The following FRMD4A variants were observed in gnomAD, a reference collection of about 807,000 sequenced individuals.
FRMD4A encodes FERM domain-containing protein 4A.
In FRMD4A, 29 loss-of-function variants were observed where a neutral mutation model predicts 129.1. The observed-to-expected ratio is 0.22, with a 90% confidence interval of 0.17 to 0.31. FRMD4A has a LOEUF of 0.31. Among genes scored for constraint, FRMD4A ranks in the 10% least tolerant of loss-of-function variants. The pLI is 1.00. For missense variants in FRMD4A, 1,272 were observed against 1,375.8 expected, an observed-to-expected ratio of 0.92 and a Z score of 1.19; for synonymous variants, 634 against 571.6, an observed-to-expected ratio of 1.11 and a Z score of -1.56.
Position 14,094,390 on chromosome 10 carries a change from T to C in FRMD4A, c.46-235478A>G, listed in dbSNP as rs530550459. Among the ~76,000 whole-genome samples, 5 of 152,174 alleles carry C rather than the reference T, an allele frequency of 3.3e-5. No homozygotes were observed. In the South Asian group the frequency reaches 1.0e-3, roughly 32 times the overall value. On this transcript the variant is annotated intron_variant, in intron 2 of 24. Coordinates refer to ENST00000357447, the MANE Select transcript of FRMD4A (RefSeq NM_018027.5). ...GGGACGATCACAGAACTGAAGCAAGTGGTAATTAGAATGGAAATGTAATGA... is the reference window on the plus strand; with the variant it reads ...GGGACGATCACAGAACTGAAGCAAGCGGTAATTAGAATGGAAATGTAATGA...
chr10:14,193,687 T>TAAA (rs11431301), intron 2 of FRMD4A, among the ~76,000 whole-genome samples: 1 of 143,398 alleles, frequency 7.0e-6, no homozygotes. Flanking sequence ...GTCTACAAAT[T>TAAA]AAAAAAAAAA....
At chr10:14,066,350 G>C (rs1394657908) in intron 2 of FRMD4A, among the ~76,000 whole-genome samples, 1 of 152,132 alleles carries the variant, frequency 6.6e-6, no homozygotes, top group African/African-American at 2.4e-5. Context: ...CACAGGGAAG[G>C]GGTGGGTATG....
chr10:13,740,142 A>T (rs2090901809), intron 11 of FRMD4A, 52 bp downstream of exon 11: 2 of 973,292 alleles, frequency 2.1e-6, no homozygotes, highest in Admixed American at 1.9e-5. Flanking sequence ...AGATGTTTTG[A>T]TTTGTTTGCT....
chr10:13,933,266 C>T (rs1254660282), intron 2 of FRMD4A, among the ~76,000 whole-genome samples: 1 of 146,602 alleles, frequency 6.8e-6, no homozygotes, highest in African/African-American at 2.5e-5. Context: ...ATAGGGTGTA[C>T]ACCGAGTAAA....
At chr10:13,859,965 A>G (rs2094271012) in intron 2 of FRMD4A, among the ~76,000 whole-genome samples, 1 of 152,134 alleles carries the variant, frequency 6.6e-6, no homozygotes, top group Non-Finnish European at 1.5e-5. Context: ...CCTGTCTCAT[A>G]TCCAAAAATA....
chr10:13,827,923 G>T (rs980900325), intron 3 of FRMD4A, among the ~76,000 whole-genome samples: 1 of 152,160 alleles, frequency 6.6e-6, no homozygotes, highest in Non-Finnish European at 1.5e-5. Context: ...AGCCCCTTGG[G>T]CTCGAAGCCC....
At chr10:14,261,185 G>C (rs1291252666) in intron 2 of FRMD4A, among the ~76,000 whole-genome samples, 2 of 152,228 alleles carry the variant, frequency 1.3e-5, no homozygotes, top group Non-Finnish European at 2.9e-5. Context: ...CAGCCTTGGA[G>C]AGAGTGGCTG....
At position 14,111,612 on chromosome 10, in the gene FRMD4A, A is replaced by G. The variant is rs141206851; in HGVS notation, c.45+218446T>C. On this transcript the variant is annotated intron_variant, in intron 2 of 24. Coordinates refer to ENST00000357447, the MANE Select transcript of FRMD4A (RefSeq NM_018027.5). ...TAATCCATCAATTCACTGTGGATTA[A>G]TTCATCCACAATGAATTCATACATA... Among the ~76,000 whole-genome samples the G allele has an allele frequency of 5.3e-3, 806 of 152,296 alleles. 10 individuals carry two copies. The highest frequency in any genetic ancestry group is 0.019 in the African/African-American group (781 of 41,544).
chr10:13,862,001 C>T (rs994283691), intron 2 of FRMD4A, among the ~76,000 whole-genome samples: 6 of 152,118 alleles, frequency 3.9e-5, no homozygotes, highest in Admixed American at 2.6e-4. Flanking sequence ...TTTCGAGCTA[C>T]GCTGATTCAG....
At chr10:13,977,641 T>C (rs1205295477) in intron 2 of FRMD4A, among the ~76,000 whole-genome samples, 1 of 152,224 alleles carries the variant, frequency 6.6e-6, no homozygotes, top group East Asian at 1.9e-4. Flanking sequence ...ACCACACCCA[T>C]TAGCTGTCAT....
chr10:13,773,920 C>T lies in FRMD4A; in HGVS notation c.384+9002G>A, dbSNP rs948619576. ...AGAGGAGCAGATGGAAAAGGCTTGG[C>T]GGGAAAGCTGTGCCGTCTTATTGGT... is the stretch of plus-strand genomic sequence containing the variant. On this transcript the variant is annotated intron_variant, in intron 6 of 24. Coordinates refer to ENST00000357447, the MANE Select transcript of FRMD4A (RefSeq NM_018027.5). 4.6e-5 allele frequency among the ~76,000 whole-genome samples: 7 copies of T among 152,182 alleles called. No homozygotes were observed. The East Asian group carries it at 9.6e-4, about 21-fold the overall frequency.
At chr10:13,680,934 G>A (rs2084522493) in intron 15 of FRMD4A, among the ~76,000 whole-genome samples, 2 of 152,046 alleles carry the variant, frequency 1.3e-5, no homozygotes, top group African/African-American at 4.8e-5. Context: ...GGTGGTGACT[G>A]GAGGGAAAGA....
intron 2 of FRMD4A, among the ~76,000 whole-genome samples, chr10:14,043,608 T>A (rs1396377617): frequency 1.3e-5 from 2 of 152,160 alleles, no homozygotes; most frequent in Non-Finnish European, 2.9e-5. Flanking sequence ...GGCTGGATGA[T>A]TTCTCACTCC....
rs1463168895 is a variant in FRMD4A at position 14,309,123 on chromosome 10, T to C, written c.45+20935A>G. 3.3e-5 allele frequency among the ~76,000 whole-genome samples: 5 copies of C among 152,328 alleles called. No individual in the cohort carries two copies. The East Asian group carries it at 9.6e-4, about 29-fold the overall frequency. On this transcript the variant is annotated intron_variant, in intron 2 of 24. Transcript: ENST00000357447. ...TTAGGGGACAGAGAATTTCTCAACA[T>C]GCAATCACTTTCAACAACATCGCCT...
At chr10:14,071,535 A>G (rs1020283178) in intron 2 of FRMD4A, among the ~76,000 whole-genome samples, 1 of 152,262 alleles carries the variant, frequency 6.6e-6, no homozygotes, top group African/African-American at 2.4e-5. Context: ...AACATTTTAT[A>G]TAAAGAAACA....
At chr10:13,856,823 G>A (rs1189971376) in intron 3 of FRMD4A, among the ~76,000 whole-genome samples, 1 of 152,160 alleles carries the variant, frequency 6.6e-6, no homozygotes, top group Non-Finnish European at 1.5e-5. Context: ...GGCTGGCCAA[G>A]AGATAGTTTC....
chr10:13,754,894 T>C (rs1455990060), intron 8 of FRMD4A, among the ~76,000 whole-genome samples: 1 of 152,194 alleles, frequency 6.6e-6, no homozygotes, highest in African/African-American at 2.4e-5. Flanking sequence ...CAGCTGTTTA[T>C]TTTCAAGTGG....
intron 2 of FRMD4A, among the ~76,000 whole-genome samples, chr10:13,998,544 G>A (rs1259088621): frequency 6.6e-6 from 1 of 152,118 alleles, no homozygotes; most frequent in African/African-American, 2.4e-5. Flanking sequence ...AGCACATCAC[G>A]AATAGAACCC....
In FRMD4A at chr10:13,666,232, T is replaced by C. The variant is rs2134692106; in HGVS notation, c.1468A>G (p.Lys490Glu). The change falls in exon 18 of 25, where the codon AAA becomes GAA. Residue 490 changes from lysine to glutamate, a missense_variant. Lys to Glu is a moderately conservative substitution (Grantham distance 56). Transcript: ENST00000357447. ...RRLASDPNVS[K>E]KLKKQRKTSY... Reference sequence around the variant, plus strand: ...GTTTTCCTTTGTTTCTTCAGTTTTTTGCTGACGTTGGGGTCACTGGCTAGG... The same window carrying C: ...GTTTTCCTTTGTTTCTTCAGTTTTTCGCTGACGTTGGGGTCACTGGCTAGG... The C allele has an allele frequency of 1.2e-6, 2 of 1,614,144 alleles. No homozygotes were observed. Among genetic ancestry groups the C allele is most frequent in the South Asian group, 1.1e-5 (1 of 91,082 alleles).
Sources: gnomAD v4.1 joint callset for allele counts (sites outside exome capture counted in the v4.1 genomes callset) on GRCh38, gnomAD v4.1.1 for gene constraint, MANE v1.5 for transcripts, NCBI Gene and HGNC (gene_info 2026-07-23, HGNC 2026-07-21) for gene names.